The following FRMPD1 variants were observed in gnomAD, a reference collection of about 807,000 sequenced individuals.
FRMPD1 encodes the protein FERM and PDZ domain containing 1, also known as FERM and PDZ domain-containing protein 1.
FRMPD1 carries 76 observed loss-of-function variants against 117.8 expected under a neutral mutation model. That is an observed-to-expected ratio of 0.65 (90% CI 0.54 to 0.78). FRMPD1 has a LOEUF of 0.78. Ranked by LOEUF, FRMPD1 falls within the 30% of genes least tolerant of loss-of-function variation. The pLI is 0.00. For missense variants in FRMPD1, 1,786 were observed against 1,964.5 expected (o/e 0.91, Z 1.72); for synonymous variants, 783 against 770.4 (o/e 1.02, Z -0.27).
the FRMPD1 span, chr9:37,637,404 A>G: frequency 1.5e-6 from 1 of 667,096 alleles, no homozygotes; most frequent in African/African-American, 1.8e-5. Context: ...GTAAAATTGC[A>G]TTTAATAAAA....
chr9:37,722,057 C>G (rs1823422277), intron 6 of FRMPD1, among the ~76,000 whole-genome samples: 1 of 152,172 alleles, frequency 6.6e-6, no homozygotes, highest in African/African-American at 2.4e-5. Flanking sequence ...AAATTTCCCA[C>G]TGGGAAACCC....
At chr9:37,617,793 T>C in the FRMPD1 span, among the ~76,000 whole-genome samples, 1 of 152,190 alleles carries the variant, frequency 6.6e-6, no homozygotes, top group Non-Finnish European at 1.5e-5. Context: ...TCCCTACAGT[T>C]TGCCCCTGTT....
the FRMPD1 span, among the ~76,000 whole-genome samples, chr9:37,640,921 C>G: frequency 6.6e-6 from 1 of 152,162 alleles, no homozygotes; most frequent in African/African-American, 2.4e-5. Context: ...CGCTCTATTA[C>G]CCAGGTTGGA....
At chr9:37,726,903 G>T (rs529175381) in intron 7 of FRMPD1, among the ~76,000 whole-genome samples, 1 of 152,064 alleles carries the variant, frequency 6.6e-6, no homozygotes, top group African/African-American at 2.4e-5. Context: ...TTCCAGCTGG[G>T]TGCCAAATAA....
At chr9:37,719,999 T>C (rs530905994) in intron 6 of FRMPD1, among the ~76,000 whole-genome samples, 7 of 152,230 alleles carry the variant, frequency 4.6e-5, no homozygotes, top group African/African-American at 1.7e-4. Context: ...TGTCCTTTTC[T>C]GGTCTTCTCA....
chr9:37,699,342 T>TAGGGTCTTGCTCTGTTGCCCAGGCTGG (rs1822452220), intron 2 of FRMPD1, among the ~76,000 whole-genome samples: 1 of 144,730 alleles, frequency 6.9e-6, no homozygotes, highest in Non-Finnish European at 1.5e-5. Flanking sequence ...TTTTTTGAGA[T>TAGGGTCTTGCTCTGTTGCCCAGGCTGG]AGGGTCTTGC....
At chr9:37,636,862 G>A in the FRMPD1 span, 1 of 1,611,026 alleles carries the variant, frequency 6.2e-7, no homozygotes, top group Non-Finnish European at 8.5e-7. Context: ...AGAAGGGGAT[G>A]CCCAAAGAGT....
rs367914583 is a variant in FRMPD1 at position 37,745,178 on chromosome 9, A to G, written c.3146A>G (p.His1049Arg). The G allele has an allele frequency of 3.7e-6, 6 of 1,613,916 alleles. No individual in the cohort carries two copies. The African/African-American group carries it at 5.3e-5, about 14-fold the overall frequency. ...ACACTAGAGCTCCAGTTGGAGCCCCATGTCCAGTTGGAAATGGGATTGGAA... is the reference window on the plus strand; with the variant it reads ...ACACTAGAGCTCCAGTTGGAGCCCCGTGTCCAGTTGGAAATGGGATTGGAA... ...GDTLELQLEP[H>R]VQLEMGLESF... Residue 1049 changes from histidine to arginine, a missense_variant, in exon 16 of 16, where the codon CAT becomes CGT. By Grantham distance (29) the His-to-Arg change is conservative. Coordinates refer to ENST00000377765, the MANE Select transcript of FRMPD1 (RefSeq NM_014907.3).
At chr9:37,673,213 A>G (rs1362940586) in intron 1 of FRMPD1, among the ~76,000 whole-genome samples, 2 of 152,216 alleles carry the variant, frequency 1.3e-5, no homozygotes, top group Admixed American at 6.5e-5. Context: ...AAACACAGCC[A>G]TTCCAAATGG....
chr9:37,717,854 A>T (rs921473666), intron 5 of FRMPD1, among the ~76,000 whole-genome samples: 1 of 152,110 alleles, frequency 6.6e-6, no homozygotes, highest in African/African-American at 2.4e-5. Context: ...AGCCCCCTAG[A>T]TTCAAGAGGT....
the FRMPD1 span, among the ~76,000 whole-genome samples, chr9:37,645,214 T>C: frequency 2.6e-5 from 4 of 152,162 alleles, no homozygotes; most frequent in Non-Finnish European, 5.9e-5. Flanking sequence ...CACTGAAAGA[T>C]TTATCACTTA....
rs775772934 is a variant in FRMPD1 at position 37,740,850 on chromosome 9, G to A, written c.2322G>A (p.Ala774=). The A allele has an allele frequency of 6.2e-6, 10 of 1,613,998 alleles. No homozygotes were observed. The East Asian group carries it at 8.9e-5, about 14-fold the overall frequency. Residue 774 remains alanine (A), a synonymous_variant, in exon 15 of 16, where the codon GCG becomes GCA. Coordinates refer to ENST00000377765, the MANE Select transcript of FRMPD1 (RefSeq NM_014907.3). The surrounding 1 kb of genome is among the most constrained non-coding windows in gnomAD (Gnocchi z 4.2). ...DGSSDEEYYD[A]ADKLTPPGPP... is the part of the protein sequence containing the mutation. ...GCTCAGATGAGGAATACTATGACGC[G>A]GCTGATAAGCTCACTCCCCCAGGCC...
the FRMPD1 span, among the ~76,000 whole-genome samples, chr9:37,624,200 A>C: frequency 2.0e-5 from 3 of 152,360 alleles, no homozygotes; most frequent in South Asian, 6.2e-4. Flanking sequence ...TAGTCTAGGA[A>C]GGACAAATAA....
At chr9:37,716,006 A>G (rs1466290585) in intron 5 of FRMPD1, among the ~76,000 whole-genome samples, 4 of 152,120 alleles carry the variant, frequency 2.6e-5, no homozygotes, top group Non-Finnish European at 5.9e-5. Flanking sequence ...CTGAATTTTC[A>G]CTTCTCTGAG....
intron 13 of FRMPD1, among the ~76,000 whole-genome samples, chr9:37,736,069 T>G (rs987387012): frequency 6.6e-6 from 1 of 151,752 alleles, no homozygotes; most frequent in Non-Finnish European, 1.5e-5. Flanking sequence ...GACACGATCT[T>G]GGCTCACTGC....
rs116785707 is a variant in FRMPD1 at position 37,681,529 on chromosome 9, G to A, written c.-4-11109G>A. Among the ~76,000 whole-genome samples, 331 of 152,326 alleles carry A rather than the reference G, an allele frequency of 2.2e-3. 1 individual carries two copies. The highest frequency in any genetic ancestry group is 7.7e-3 in the African/African-American group (319 of 41,568). On this transcript the variant is annotated intron_variant, in intron 1 of 15. Transcript: ENST00000377765. Reference sequence around the variant, plus strand: ...GAATTCTTTTTAAGAAATTCATGCAGATGTGTGAGCCCATTATCACTCACT... The same window carrying A: ...GAATTCTTTTTAAGAAATTCATGCAAATGTGTGAGCCCATTATCACTCACT...
chr9:37,620,004 T>C, the FRMPD1 span, among the ~76,000 whole-genome samples: 1 of 151,938 alleles, frequency 6.6e-6, no homozygotes, highest in Non-Finnish European at 1.5e-5. Context: ...TATTCCCCAG[T>C]AGGAGATTAC....
At chr9:37,668,098 G>C (rs1379092078) in intron 1 of FRMPD1, 1 of 152,254 alleles carries the variant, frequency 6.6e-6, no homozygotes, top group African/African-American at 2.4e-5. Context: ...GAGACCTTGG[G>C]TGTCATCTTC....
intron 1 of FRMPD1, among the ~76,000 whole-genome samples, chr9:37,692,022 C>G (rs1159667010): frequency 6.6e-6 from 1 of 152,220 alleles, no homozygotes; most frequent in African/African-American, 2.4e-5. Flanking sequence ...GGATATAAGA[C>G]AGACTTTTCA....
Sources: gnomAD v4.1 joint callset for allele counts (sites outside exome capture counted in the v4.1 genomes callset) on GRCh38, gnomAD v4.1.1 for gene constraint, Gnocchi (gnomAD v3.1) non-coding constraint, MANE v1.5 for transcripts, NCBI Gene and HGNC (gene_info 2026-07-23, HGNC 2026-07-21) for gene names.